FAT3: variants seen among roughly 807,000 people sequenced by gnomAD.
FAT3 encodes the protein protocadherin Fat 3.
FAT3 carries 95 observed loss-of-function variants against 310.2 expected under a neutral mutation model. That is an observed-to-expected ratio of 0.31 (90% CI 0.26 to 0.36). The LOEUF (loss-of-function observed/expected upper bound fraction) is 0.36. Among genes scored for constraint, FAT3 ranks in the 10% least tolerant of loss-of-function variants. The pLI, the probability that FAT3 is intolerant of heterozygous loss-of-function variation, is 1.00. For synonymous variants in FAT3, 2,314 were observed against 2,192.9 expected (o/e 1.06, Z -1.54); for missense variants, 5,408 against 5,715.6 (o/e 0.95, Z 1.74).
chr11:92,859,158 T>C lies in FAT3; in HGVS notation c.11501-7T>C. 6.2e-7 allele frequency: 1 copy of C among 1,611,994 alleles called. No homozygotes were observed. Among genetic ancestry groups the C allele is most frequent in the East Asian group, 2.2e-5 (1 of 44,820 alleles). On this transcript the variant is annotated splice_region_variant and splice_polypyrimidine_tract_variant and intron_variant, in intron 20 of 27. Transcript: ENST00000525166. ...ATATATATGTCTTCTCATAACGGTCTTTTCAGGGCACACTTCTCTCAGCTT... is the reference window on the plus strand; with the variant it reads ...ATATATATGTCTTCTCATAACGGTCCTTTCAGGGCACACTTCTCTCAGCTT...
chr11:92,559,766 T>G (rs1955158505), intron 3 of FAT3, among the ~76,000 whole-genome samples: 1 of 152,202 alleles, frequency 6.6e-6, no homozygotes, highest in Admixed American at 6.5e-5. Context: ...TAGCATAATG[T>G]TTTTAAGGAT....
At chr11:92,438,651 A>G (rs886940372) in intron 2 of FAT3, among the ~76,000 whole-genome samples, 2 of 152,298 alleles carry the variant, frequency 1.3e-5, no homozygotes, top group South Asian at 2.1e-4. Context: ...CAAAGTAGAG[A>G]TTTGAGACTA....
chr11:92,832,141 G>A, intron 14 of FAT3, 130 bp downstream of exon 14: 1 of 1,047,482 alleles, frequency 9.5e-7, no homozygotes, highest in Non-Finnish European at 1.3e-6. Context: ...GACTAGCCTG[G>A]ACAACAGAGT....
chr11:92,824,997 A>G (rs1948067378), intron 13 of FAT3, among the ~76,000 whole-genome samples: 1 of 152,216 alleles, frequency 6.6e-6, no homozygotes, highest in Admixed American at 6.5e-5. Flanking sequence ...TTTTTCACAA[A>G]TGCAAACATC....
chr11:92,492,241 T>TTCCATCCATCCATCCATCCA (rs58384100), intron 2 of FAT3, among the ~76,000 whole-genome samples: 1 of 148,732 alleles, frequency 6.7e-6, no homozygotes, highest in Non-Finnish European at 1.5e-5. Flanking sequence ...ATATATATAT[T>TTCCATCCATCCATCCATCCA]TCCATCCATC....
At position 92,315,504 on chromosome 11, in the gene FAT3, TATATATATAGAG is replaced by T. The variant is rs1188975856; in HGVS notation, c.-17-36590_-17-36579del. ...GTATATATATATATATATATATATA[TATATATATAGAG>T]AGAGAGAGAGAGAGAGAGAGAGAGA... On this transcript the variant is annotated intron_variant, in intron 1 of 27. Transcript: ENST00000525166. Among the ~76,000 whole-genome samples the T allele has an allele frequency of 6.6e-3, 597 of 90,814 alleles. 3 individuals carry two copies. The highest frequency in any genetic ancestry group is 0.024 in the African/African-American group (549 of 23,012). 59.6% of individuals were successfully genotyped at this position (90,814 alleles called of 152,430 possible). A position where few individuals can be genotyped will look rare whatever the true frequency, so the allele number is the denominator to read the frequency against.
At chr11:92,665,616 G>A (rs1416356091) in intron 3 of FAT3, among the ~76,000 whole-genome samples, 4 of 152,182 alleles carry the variant, frequency 2.6e-5, no homozygotes, top group Admixed American at 2.6e-4. Flanking sequence ...TTATGGGAAT[G>A]ACCACAGATC....
chr11:92,533,070 G>A (rs959766980), intron 3 of FAT3, among the ~76,000 whole-genome samples: 3 of 152,138 alleles, frequency 2.0e-5, no homozygotes, highest in African/African-American at 7.2e-5. Flanking sequence ...GTCTCCCGCT[G>A]TTGCCCAGGC....
intron 1 of FAT3, among the ~76,000 whole-genome samples, chr11:92,259,716 C>T (rs1401594852): frequency 6.6e-6 from 1 of 152,062 alleles, no homozygotes; most frequent in Non-Finnish European, 1.5e-5. Context: ...TATATGGCTT[C>T]TAAGTTACTT....
At chr11:92,658,217 T>C (rs1248538073) in intron 3 of FAT3, among the ~76,000 whole-genome samples, 1 of 152,232 alleles carries the variant, frequency 6.6e-6, no homozygotes, top group Non-Finnish European at 1.5e-5. Flanking sequence ...TCATGAAATT[T>C]ACAGTTGGAA....
intron 3 of FAT3, among the ~76,000 whole-genome samples, chr11:92,525,292 A>G (rs1953820576): frequency 6.6e-6 from 1 of 152,128 alleles, no homozygotes; most frequent in East Asian, 1.9e-4. Context: ...TTCTATGAGC[A>G]AGCTGGCTTT....
chr11:92,349,860 A>G (rs546696359), intron 1 of FAT3, among the ~76,000 whole-genome samples: 126 of 152,140 alleles, frequency 8.3e-4, no homozygotes, highest in African/African-American at 2.9e-3. Context: ...CTGTAACTCC[A>G]TGTTTTCTAC....
In FAT3 at chr11:92,806,455, T is replaced by A. The variant is rs754267061; in HGVS notation, c.9187T>A (p.Tyr3063Asn). ...AKDADIGSNG[Y>N]IRYSLYGSGN... is the part of the protein sequence containing the mutation. ...GGATGCTGATATTGGATCCAATGGA[T>A]ATATACGATACTCACTCTATGGATC... Residue 3063 changes from tyrosine (Y) to asparagine (N), a missense_variant, in exon 12 of 28, where the codon TAT becomes AAT. Coordinates refer to ENST00000525166, the MANE Select transcript of FAT3 (RefSeq NM_001367949.2). 1.3e-6 allele frequency: 2 copies of A among 1,577,848 alleles called. No homozygotes were observed. Among genetic ancestry groups the A allele is most frequent in the East Asian group, 4.5e-5 (2 of 44,374 alleles).
At chr11:92,283,335 C>T (rs558124468) in intron 1 of FAT3, among the ~76,000 whole-genome samples, 26 of 152,286 alleles carry the variant, frequency 1.7e-4, no homozygotes, top group Admixed American at 5.2e-4. Flanking sequence ...TAAAGTTCAT[C>T]AGTCAAAGTT....
At chr11:92,552,922 C>T (rs1224033591) in intron 3 of FAT3, among the ~76,000 whole-genome samples, 2 of 147,988 alleles carry the variant, frequency 1.4e-5, no homozygotes, top group Non-Finnish European at 3.0e-5. Flanking sequence ...TGCACTCCAG[C>T]CTGGGTGACA....
chr11:92,500,999 T>G (rs1370267515), intron 2 of FAT3, among the ~76,000 whole-genome samples: 5 of 152,050 alleles, frequency 3.3e-5, no homozygotes, highest in African/African-American at 1.2e-4. Flanking sequence ...ATGAGATCGA[T>G]TTCCCCCTTA....
At position 92,891,257 on chromosome 11, in the gene FAT3, T is replaced by C. The variant is rs1949913252; in HGVS notation, c.*144T>C. On this transcript the variant is annotated 3_prime_UTR_variant, in exon 28 of 28. Transcript: ENST00000525166. Reference sequence around the variant, plus strand: ...CTAGAAACTTCTTCACAAGTCATACTGTCCCAACAAGCAAGCTTGATTCCA... The same window carrying C: ...CTAGAAACTTCTTCACAAGTCATACCGTCCCAACAAGCAAGCTTGATTCCA... The C allele has an allele frequency of 8.8e-7, 1 of 1,132,426 alleles. No homozygotes were observed. The highest frequency in any genetic ancestry group is 1.2e-6 in the Non-Finnish European group (1 of 816,440). 70.1% of individuals were successfully genotyped at this position (1,132,426 alleles called of 1,614,324 possible). A position where few individuals can be genotyped will look rare whatever the true frequency, so the allele number is the denominator to read the frequency against.
Position 92,354,018 on chromosome 11 carries a change from A to T in FAT3, c.1906A>T (p.Lys636Ter). The T allele has an allele frequency of 6.2e-7, 1 of 1,613,184 alleles. No homozygotes were observed. ...LNPDSGVLQL[K>*]KSLTNSGIKN... ...CCCAGATTCTGGTGTTTTACAGCTT[A>T]AAAAATCACTGACAAATTCTGGCAT... is the stretch of plus-strand genomic sequence containing the variant. Residue 636 changes from lysine to a stop codon, truncating the protein, a stop_gained, in exon 2 of 28, where the codon AAA becomes TAA. Transcript: ENST00000525166. LOFTEE classifies it high-confidence loss of function.
chr11:92,419,747 G>T (rs1178358144), intron 2 of FAT3, among the ~76,000 whole-genome samples: 3 of 152,086 alleles, frequency 2.0e-5, no homozygotes, highest in Non-Finnish European at 4.4e-5. Flanking sequence ...CAGGGACCCT[G>T]ACTAGTCTTA....
Sources: gnomAD v4.1 joint callset for allele counts (sites outside exome capture counted in the v4.1 genomes callset) on GRCh38, gnomAD v4.1.1 for gene constraint, MANE v1.5 for transcripts, NCBI Gene and HGNC (gene_info 2026-07-23, HGNC 2026-07-21) for gene names.